Variants in NPHP1 observed in about 807,000 individuals in gnomAD.
The protein encoded by NPHP1 is nephrocystin-1.
A neutral mutation model predicts 90.4 loss-of-function variants in NPHP1; 70 were observed. The ratio of observed to expected loss-of-function variants is 0.77; its 90% confidence interval spans 0.64 to 0.95. The LOEUF is 0.95. Among genes scored for constraint, NPHP1 ranks in the 40% least tolerant of loss-of-function variants. NPHP1 has a pLI of 0.00. For synonymous variants in NPHP1, 256 were observed against 271.7 expected (o/e 0.94, Z 0.57); for missense variants, 764 against 795.9 (o/e 0.96, Z 0.48).
At chr2:110,126,806 C>T (rs1476998379) in intron 18 of NPHP1, 1 of 152,576 alleles carries the variant, frequency 6.6e-6, no homozygotes, top group Non-Finnish European at 1.5e-5. Flanking sequence ...TCTCTTGCAC[C>T]AACCTAATAA....
In NPHP1 at chr2:110,150,177, C is replaced by G; in HGVS notation, c.1158+5G>C. 6.2e-7 allele frequency: 1 copy of G among 1,610,312 alleles called. No homozygotes were observed. The highest frequency in any genetic ancestry group is 1.1e-5 in the South Asian group (1 of 91,018). On this transcript the variant is annotated splice_donor_5th_base_variant and intron_variant, in intron 12 of 19. Coordinates refer to ENST00000445609, the MANE Select transcript of NPHP1 (RefSeq NM_001128178.3). The stretch of plus-strand genomic sequence containing the variant: ...CTCACTCCACTCATTCAGCAGATTA[C>G]TTACCTGGGGAGAAAAGGTCCATGT...
rs577070620 is a variant in NPHP1, at chr2:110,164,702, T to A, written c.757A>T (p.Lys253Ter). 1 of 1,614,052 alleles carries A rather than the reference T, an allele frequency of 6.2e-7. No homozygotes were observed. Among genetic ancestry groups the A allele is most frequent in the Non-Finnish European group, 8.5e-7 (1 of 1,179,974 alleles). The change falls in exon 8 of 20, where the codon AAA (lysine) becomes TAA (stop). Residue 253 changes from lysine (K) to a stop codon, truncating the protein, a stop_gained. Transcript: ENST00000445609. LOFTEE classifies it high-confidence loss of function. ...AAGATGCCCGCCTCTGAAATCGCTTTCTGAACAGCACTCCAGTGGGGATCA... is the reference window on the plus strand; with the variant it reads ...AAGATGCCCGCCTCTGAAATCGCTTACTGAACAGCACTCCAGTGGGGATCA... ...RTDPHWSAVQ[K>*]AISEQINTVD...
intron 16 of NPHP1, 44 bp from the exon 17 acceptor site, chr2:110,131,835 A>C: frequency 8.4e-7 from 1 of 1,189,736 alleles, no homozygotes; most frequent in Non-Finnish European, 1.2e-6. Context: ...AATCCCCTAC[A>C]ATCCAACTTA....
chr2:110,154,735 T>C (rs1559066869), intron 11 of NPHP1, among the ~76,000 whole-genome samples: 1 of 152,102 alleles, frequency 6.6e-6, no homozygotes, highest in African/African-American at 2.4e-5. Context: ...TTAGGGTATC[T>C]GTTGGAAGAA....
intron 2 of NPHP1, among the ~76,000 whole-genome samples, chr2:110,194,897 C>T (rs1044110443): frequency 3.7e-5 from 5 of 136,286 alleles, no homozygotes; most frequent in African/African-American, 5.1e-5. Flanking sequence ...ACAGAACCAA[C>T]GACAAAAACC....
At chr2:110,163,649 T>C (rs989803311) in intron 8 of NPHP1, 2 of 158,768 alleles carry the variant, frequency 1.3e-5, no homozygotes, top group African/African-American at 2.4e-5. Context: ...AGAATTTTCA[T>C]TTGGCTATGT....
At chr2:110,176,566 A>C (rs1683525971) in intron 4 of NPHP1, among the ~76,000 whole-genome samples, 1 of 152,058 alleles carries the variant, frequency 6.6e-6, no homozygotes, top group Non-Finnish European at 1.5e-5. Context: ...ACTTTGGATT[A>C]TGTTATATTC....
At position 110,191,737 on chromosome 2, in the gene NPHP1, C is replaced by A. The variant is rs1449365868; in HGVS notation, c.143+9684G>T. Among the ~76,000 whole-genome samples, 3 of 152,168 alleles carry A rather than the reference C, an allele frequency of 2.0e-5. No individual in the cohort carries two copies. The East Asian group carries it at 5.8e-4, about 29-fold the overall frequency. ...AAGTGGGTCCCTGACCCCCAAGTAGCCTAACTGGGAGGCACCCCCCAGTAG... is the reference window on the plus strand; with the variant it reads ...AAGTGGGTCCCTGACCCCCAAGTAGACTAACTGGGAGGCACCCCCCAGTAG... On this transcript the variant is annotated intron_variant, in intron 2 of 19. Transcript: ENST00000445609.
At chr2:110,163,161 T>C (rs1182590863) in intron 8 of NPHP1, 26 bp from the exon 9 acceptor site, 10 of 1,526,698 alleles carry the variant, frequency 6.6e-6, no homozygotes, top group Non-Finnish European at 9.1e-6. Flanking sequence ...TCAAAATGGA[T>C]TTGTTTTCAG....
chr2:110,141,973 A>AG (rs55635345), intron 16 of NPHP1, among the ~76,000 whole-genome samples: 1 of 59,650 alleles, frequency 1.7e-5, no homozygotes, highest in Non-Finnish European at 3.4e-5. Context: ...ACTCTGTCTC[A>AG]AAAAAAAAAA....
intron 2 of NPHP1, among the ~76,000 whole-genome samples, chr2:110,185,522 C>T (rs956004057): frequency 3.9e-5 from 6 of 152,110 alleles, no homozygotes; most frequent in Non-Finnish European, 8.8e-5. Context: ...ATAAACCACC[C>T]CCTGGGAGAC....
intron 17 of NPHP1, among the ~76,000 whole-genome samples, chr2:110,130,489 C>T (rs951711345): frequency 1.4e-4 from 21 of 152,132 alleles, no homozygotes; most frequent in Admixed American, 1.0e-3. Flanking sequence ...AAAGGCTTAC[C>T]CGTCCTCCCC....
intron 9 of NPHP1, 66 bp from the exon 10 acceptor site, chr2:110,161,763 G>C (rs1682361956): frequency 5.0e-6 from 6 of 1,201,608 alleles, no homozygotes; most frequent in Non-Finnish European, 7.3e-6. Context: ...AATCCATAAT[G>C]TTATGCTATG....
intron 4 of NPHP1, among the ~76,000 whole-genome samples, chr2:110,175,352 C>G (rs1321658638): frequency 1.3e-5 from 2 of 152,142 alleles, no homozygotes; most frequent in Admixed American, 6.5e-5. Flanking sequence ...GGATCATTGT[C>G]TGCTAGCCTG....
chr2:110,160,015 C>A, intron 11 of NPHP1, 112 bp downstream of exon 11: 1 of 1,148,714 alleles, frequency 8.7e-7, no homozygotes, highest in Non-Finnish European at 1.3e-6. Flanking sequence ...TTCTTTGGTA[C>A]TAGGTAAAAA....
intron 4 of NPHP1, among the ~76,000 whole-genome samples, chr2:110,174,317 G>C (rs1683359761): frequency 6.6e-6 from 1 of 151,522 alleles, no homozygotes; most frequent in Admixed American, 6.6e-5. Flanking sequence ...GCCTTTTTTG[G>C]GTTAATCAAA....
intron 12 of NPHP1, 24 bp downstream of exon 12, chr2:110,150,153 TCACTC>T: frequency 6.6e-7 from 1 of 1,521,502 alleles, no homozygotes; most frequent in Non-Finnish European, 9.1e-7. Context: ...TGAAATTCAC[TCACTC>T]CACTCATTCA....
chr2:110,136,166 C>T (rs1158232101), intron 16 of NPHP1, among the ~76,000 whole-genome samples: 2 of 152,072 alleles, frequency 1.3e-5, no homozygotes, highest in Non-Finnish European at 2.9e-5. Context: ...ATTGATGGGA[C>T]GTATCTCAAA....
chr2:110,198,596 A>G (rs530121510), intron 2 of NPHP1, among the ~76,000 whole-genome samples: 1 of 152,092 alleles, frequency 6.6e-6, no homozygotes, highest in Non-Finnish European at 1.5e-5. Context: ...CCTAAAAACA[A>G]AAAAACAAAC....
Sources: allele counts gnomAD v4.1 joint callset (sites outside exome capture counted in the v4.1 genomes callset), GRCh38; gene constraint gnomAD v4.1.1; transcripts MANE v1.5; gene names NCBI Gene and HGNC (gene_info 2026-07-23, HGNC 2026-07-21).